Variants in CSMD1 observed in about 807,000 individuals in gnomAD.
CSMD1 encodes CUB and sushi domain-containing protein 1.
A neutral mutation model predicts 417.5 loss-of-function variants in CSMD1; 213 were observed. That is an observed-to-expected ratio of 0.51 (90% CI 0.46 to 0.57). CSMD1 has a LOEUF of 0.57. Ranked by LOEUF, CSMD1 falls within the 20% of genes least tolerant of loss-of-function variation. CSMD1 has a pLI of 0.00. For synonymous variants in CSMD1, 2,862 were observed against 1,736.8 expected (o/e 1.65, Z -16.11); for missense variants, 6,923 against 4,529.7 (o/e 1.53, Z -15.17).
At chr8:4,163,005 C>G (rs962346501) in intron 3 of CSMD1, among the ~76,000 whole-genome samples, 1 of 152,168 alleles carries the variant, frequency 6.6e-6, no homozygotes, top group Non-Finnish European at 1.5e-5. Context: ...CCTTTTCAGA[C>G]TGACTTCTTT....
intron 2 of CSMD1, among the ~76,000 whole-genome samples, chr8:4,475,889 A>C (rs1800777834): frequency 6.6e-6 from 1 of 152,148 alleles, no homozygotes; most frequent in Non-Finnish European, 1.5e-5. Context: ...CTGGAATTAC[A>C]GGCTTGAGCC....
chr8:3,963,018 C>A (rs1221309902), intron 5 of CSMD1, among the ~76,000 whole-genome samples: 2 of 152,058 alleles, frequency 1.3e-5, no homozygotes, highest in African/African-American at 4.8e-5. Context: ...CTCACTGCAA[C>A]CTCTGCCTCC....
At chr8:3,553,037 A>C (rs1369828673) in intron 10 of CSMD1, among the ~76,000 whole-genome samples, 1 of 152,128 alleles carries the variant, frequency 6.6e-6, no homozygotes, top group Non-Finnish European at 1.5e-5. Context: ...GCAGAAGAAT[A>C]CTGAAGAGTT....
intron 7 of CSMD1, among the ~76,000 whole-genome samples, chr8:3,662,382 A>G (rs1798464321): frequency 6.6e-6 from 1 of 152,110 alleles, no homozygotes; most frequent in South Asian, 2.1e-4. Flanking sequence ...ATCTCTCCCT[A>G]ACTTAAATAT....
chr8:3,350,299 TACCTATAATA>T (rs1280667405), intron 21 of CSMD1, among the ~76,000 whole-genome samples: 98 of 149,668 alleles, frequency 6.5e-4, no homozygotes, highest in African/African-American at 2.2e-3. Context: ...TGTGTTATAA[TACCTATAATA>T]ACCTATAATA....
At chr8:3,380,939 G>C (rs763589103) in intron 18 of CSMD1, among the ~76,000 whole-genome samples, 1 of 151,824 alleles carries the variant, frequency 6.6e-6, no homozygotes, top group East Asian at 1.9e-4. Context: ...TAAAAAGTAA[G>C]TTACCAATGC....
At chr8:3,498,192 A>G (rs1055170347) in intron 10 of CSMD1, among the ~76,000 whole-genome samples, 4 of 151,978 alleles carry the variant, frequency 2.6e-5, no homozygotes, top group Middle Eastern at 3.2e-3. Context: ...CTTCTTGCTT[A>G]TATTTGACTT....
intron 10 of CSMD1, among the ~76,000 whole-genome samples, chr8:3,508,353 GTTAT>G (rs1796920635): frequency 7.0e-6 from 1 of 142,998 alleles, no homozygotes; most frequent in African/African-American, 2.6e-5. Flanking sequence ...ACGGGGGCCT[GTTAT>G]GGGGCAGGGG....
intron 54 of CSMD1, among the ~76,000 whole-genome samples, chr8:2,982,944 A>C (rs570040889): frequency 1.3e-5 from 2 of 152,260 alleles, no homozygotes; most frequent in South Asian, 4.1e-4. Context: ...GCATCACATA[A>C]GAGTCTGGTG....
In CSMD1 at chr8:3,942,467, T is replaced by A. The variant is rs541375844; in HGVS notation, c.818+55436A>T. On this transcript the variant is annotated intron_variant, in intron 5 of 69. Transcript: ENST00000635120. ...CACCACACCTGGCCCATTTGACTAT[T>A]TCTACACAGATGCCTGGATGAGCAA... is the stretch of plus-strand genomic sequence containing the variant. Among the ~76,000 whole-genome samples the A allele has an allele frequency of 6.4e-4, 98 of 152,212 alleles. 2 individuals are homozygous for A. In the South Asian group the frequency reaches 0.02, roughly 31 times the overall value.
In CSMD1 at chr8:3,139,589, GTGTAGAAA is replaced by G. The variant is rs1818310354; in HGVS notation, c.6241+2868_6241+2875del. Among the ~76,000 whole-genome samples, 3 of 152,194 alleles carry G rather than the reference GTGTAGAAA, an allele frequency of 2.0e-5. No individual in the cohort carries two copies. In the South Asian group the frequency reaches 6.2e-4, roughly 31 times the overall value. The stretch of plus-strand genomic sequence containing the variant: ...AATAGATAGGAGAAGTGAAAAACAG[GTGTAGAAA>G]TTGAGAATGTTTACATAAGTTTTCT... On this transcript the variant is annotated intron_variant, in intron 41 of 69. Coordinates refer to ENST00000635120, the MANE Select transcript of CSMD1 (RefSeq NM_033225.6).
intron 49 of CSMD1, among the ~76,000 whole-genome samples, 178 bp from the exon 50 acceptor site, chr8:3,052,825 A>C: frequency 7.0e-6 from 1 of 143,604 alleles, no homozygotes. Flanking sequence ...GCTGTCTCCC[A>C]GGCTGGAGTG....
chr8:4,836,691 C>T (rs920111435), intron 1 of CSMD1, among the ~76,000 whole-genome samples: 3 of 152,090 alleles, frequency 2.0e-5, no homozygotes, highest in Admixed American at 6.6e-5. Context: ...CATCTCGTCG[C>T]TTCCACCTTT....
At chr8:3,838,560 A>ATG (rs1802860901) in intron 5 of CSMD1, among the ~76,000 whole-genome samples, 2 of 142,862 alleles carry the variant, frequency 1.4e-5, no homozygotes, top group South Asian at 4.3e-4. Flanking sequence ...CTCTGTAGAT[A>ATG]TATATAGTCT....
intron 50 of CSMD1, among the ~76,000 whole-genome samples, chr8:3,035,227 ACTGCAGAGCGCG>A (rs1194701005): frequency 3.9e-5 from 6 of 152,200 alleles, no homozygotes; most frequent in African/African-American, 1.4e-4. Flanking sequence ...ATAGGCAGAT[ACTGCAGAGCGCG>A]GCTGCTCCCA....
At chr8:4,742,761 T>G (rs1382694616) in intron 1 of CSMD1, among the ~76,000 whole-genome samples, 2 of 152,166 alleles carry the variant, frequency 1.3e-5, no homozygotes, top group Non-Finnish European at 2.9e-5. Context: ...TATGGTCTAT[T>G]AAATGCCATG....
chr8:3,031,998 T>C (rs563273123), intron 50 of CSMD1, among the ~76,000 whole-genome samples: 2 of 148,772 alleles, frequency 1.3e-5, no homozygotes, highest in South Asian at 4.2e-4. Context: ...ATACACATAA[T>C]ATAATTATAT....
At chr8:3,205,891 A>T (rs1797224319) in intron 30 of CSMD1, among the ~76,000 whole-genome samples, 1 of 152,172 alleles carries the variant, frequency 6.6e-6, no homozygotes, top group Non-Finnish European at 1.5e-5. Context: ...CATCTATAAT[A>T]ATAATAAAAT....
At chr8:4,337,092 C>T (rs774807819) in intron 3 of CSMD1, among the ~76,000 whole-genome samples, 5 of 152,116 alleles carry the variant, frequency 3.3e-5, no homozygotes, top group Admixed American at 1.3e-4. Flanking sequence ...GGGTTGCCAA[C>T]GTTGCGGCCA....
Sources: allele counts gnomAD v4.1 joint callset (sites outside exome capture counted in the v4.1 genomes callset), GRCh38; gene constraint gnomAD v4.1.1; transcripts MANE v1.5; gene names NCBI Gene and HGNC (gene_info 2026-07-23, HGNC 2026-07-21).